FCHSD2: variants seen among roughly 807,000 people sequenced by gnomAD.
FCHSD2 encodes FCH and double SH3 domains 2, also known as F-BAR and double SH3 domains protein 2.
In FCHSD2, 38 loss-of-function variants were observed where a neutral mutation model predicts 108.1. The observed-to-expected ratio is 0.35, with a 90% confidence interval of 0.27 to 0.46. The LOEUF is 0.46. Ranked by LOEUF, FCHSD2 falls within the 20% of genes least tolerant of loss-of-function variation. The pLI, the probability that FCHSD2 is intolerant of heterozygous loss-of-function variation, is 1.00. For synonymous variants in FCHSD2, 279 were observed against 314.7 expected, an observed-to-expected ratio of 0.89 and a Z score of 1.20; for missense variants, 751 against 897.8, an observed-to-expected ratio of 0.84 and a Z score of 2.09.
At chr11:72,940,330 G>A (rs1856389744) in intron 8 of FCHSD2, among the ~76,000 whole-genome samples, 1 of 152,174 alleles carries the variant, frequency 6.6e-6, no homozygotes. Context: ...TTTAGTTGAT[G>A]TAAACAGGTT....
At chr11:72,997,666 A>C (rs974251761) in intron 5 of FCHSD2, among the ~76,000 whole-genome samples, 5 of 152,254 alleles carry the variant, frequency 3.3e-5, no homozygotes, top group African/African-American at 7.2e-5. Context: ...AAAATCCTGG[A>C]ACTGAAAAGT....
At chr11:73,065,895 G>A (rs963062773) in intron 3 of FCHSD2, among the ~76,000 whole-genome samples, 1 of 152,084 alleles carries the variant, frequency 6.6e-6, no homozygotes, top group Non-Finnish European at 1.5e-5. Context: ...TTACGGCTAG[G>A]AAGAATCAAT....
At chr11:73,102,292 A>G (rs1860243471) in intron 2 of FCHSD2, among the ~76,000 whole-genome samples, 1 of 152,226 alleles carries the variant, frequency 6.6e-6, no homozygotes, top group Admixed American at 6.5e-5. Context: ...TAAATAATAT[A>G]GATAGACTCT....
intron 3 of FCHSD2, among the ~76,000 whole-genome samples, chr11:73,060,394 TCA>T: frequency 6.6e-6 from 1 of 152,312 alleles, no homozygotes; most frequent in East Asian, 1.9e-4. Flanking sequence ...TAATTTCATT[TCA>T]AACATTCTAA....
intron 8 of FCHSD2, among the ~76,000 whole-genome samples, chr11:72,950,075 G>C (rs1006528735): frequency 1.3e-5 from 2 of 152,058 alleles, no homozygotes; most frequent in Admixed American, 1.3e-4. Context: ...TCATCCTAGC[G>C]GATGTGAAGT....
intron 4 of FCHSD2, among the ~76,000 whole-genome samples, chr11:73,013,948 G>A (rs994454180): frequency 2.0e-5 from 3 of 151,986 alleles, no homozygotes; most frequent in African/African-American, 7.3e-5. Flanking sequence ...TTTACTGCAA[G>A]CAATCTTCTT....
intron 3 of FCHSD2, among the ~76,000 whole-genome samples, chr11:73,080,189 C>T (rs1859648368): frequency 6.7e-6 from 1 of 148,660 alleles, no homozygotes; most frequent in Admixed American, 6.8e-5. Flanking sequence ...CCCAGCCACT[C>T]AGTAGGCTGA....
chr11:73,068,988 C>T (rs923388827), intron 3 of FCHSD2, among the ~76,000 whole-genome samples: 1 of 150,914 alleles, frequency 6.6e-6, no homozygotes, highest in African/African-American at 2.4e-5. Flanking sequence ...GCACTCTAGC[C>T]TGATGACAGA....
At chr11:73,011,027 A>G (rs922726958) in intron 4 of FCHSD2, among the ~76,000 whole-genome samples, 18 of 152,050 alleles carry the variant, frequency 1.2e-4, no homozygotes, top group Non-Finnish European at 2.1e-4. Flanking sequence ...ATGTGCAGGT[A>G]GGTGTCAGCT....
chr11:73,096,263 G>A (rs1860072107), intron 2 of FCHSD2, among the ~76,000 whole-genome samples: 13 of 151,328 alleles, frequency 8.6e-5, no homozygotes. Context: ...AAAGCAGGCA[G>A]GGAACAGTGG....
At chr11:72,947,931 T>C (rs537673525) in intron 8 of FCHSD2, among the ~76,000 whole-genome samples, 19 of 152,242 alleles carry the variant, frequency 1.2e-4, no homozygotes, top group Non-Finnish European at 2.4e-4. Context: ...ACATTTTTCA[T>C]GGCACTATAA....
At chr11:73,004,129 A>G (rs1221487414) in intron 4 of FCHSD2, among the ~76,000 whole-genome samples, 1 of 151,456 alleles carries the variant, frequency 6.6e-6, no homozygotes, top group East Asian at 1.9e-4. Context: ...AAAAAAAAAA[A>G]AAAAAAAGGA....
intron 8 of FCHSD2, among the ~76,000 whole-genome samples, chr11:72,935,692 G>A (rs974758533): frequency 6.6e-6 from 1 of 152,146 alleles, no homozygotes; most frequent in African/African-American, 2.4e-5. Context: ...TTAATATGTA[G>A]TTGAATTTAT....
chr11:72,911,568 CT>C (rs999272553), intron 9 of FCHSD2, among the ~76,000 whole-genome samples: 3 of 152,190 alleles, frequency 2.0e-5, no homozygotes, highest in African/African-American at 7.2e-5. Flanking sequence ...CTGTAGACTG[CT>C]TTGGGTAGTA....
At chr11:73,097,629 T>A (rs1036831513) in intron 2 of FCHSD2, among the ~76,000 whole-genome samples, 1 of 150,958 alleles carries the variant, frequency 6.6e-6, no homozygotes, top group East Asian at 1.9e-4. Flanking sequence ...TTTTTTTTTT[T>A]TTTTCTAATT....
chr11:73,015,706 A>G, intron 4 of FCHSD2, 103 bp downstream of exon 4: 1 of 608,968 alleles, frequency 1.6e-6, no homozygotes, highest in Non-Finnish European at 2.8e-6. Context: ...CAGCAGAGGA[A>G]AGAAGTAATT....
At chr11:73,049,020 G>A (rs1242153228) in intron 3 of FCHSD2, among the ~76,000 whole-genome samples, 1 of 152,074 alleles carries the variant, frequency 6.6e-6, no homozygotes, top group Non-Finnish European at 1.5e-5. Context: ...TCAACATACT[G>A]ACACAGTGGA....
intron 13 of FCHSD2, among the ~76,000 whole-genome samples, chr11:72,857,932 CTTG>C (rs1020231375): frequency 1.2e-4 from 18 of 152,158 alleles, no homozygotes; most frequent in Non-Finnish European, 2.4e-4. Context: ...ATGTCACTTA[CTTG>C]TTGTGTGACC....
intron 12 of FCHSD2, among the ~76,000 whole-genome samples, chr11:72,882,035 G>C (rs747802828): frequency 2.0e-5 from 3 of 152,120 alleles, no homozygotes; most frequent in Non-Finnish European, 4.4e-5. Context: ...GTCCCGGCTA[G>C]TTGGGAGGCT....
Sources: allele counts gnomAD v4.1 joint callset (sites outside exome capture counted in the v4.1 genomes callset), GRCh38; gene constraint gnomAD v4.1.1; transcripts MANE v1.5; gene names NCBI Gene and HGNC (gene_info 2026-07-23, HGNC 2026-07-21).